The following ADGRL2 variants were observed in gnomAD, a reference collection of about 807,000 sequenced individuals.
The protein encoded by ADGRL2 is adhesion G protein-coupled receptor L2, also known as calcium-independent alpha-latrotoxin receptor 2.
ADGRL2 carries 44 observed loss-of-function variants against 157.4 expected under a neutral mutation model. The ratio of observed to expected loss-of-function variants is 0.28; its 90% confidence interval spans 0.22 to 0.36. The LOEUF (loss-of-function observed/expected upper bound fraction) is 0.36. ADGRL2 is among the 10% of genes least tolerant of loss of function. The pLI is 1.00. For missense variants in ADGRL2, 1,510 were observed against 1,768.9 expected, an observed-to-expected ratio of 0.85 and a Z score of 2.63; for synonymous variants, 585 against 624.7, an observed-to-expected ratio of 0.94 and a Z score of 0.95.
intron 2 of ADGRL2, chr1:81,557,070 A>ACAG: frequency 5.5e-6 from 1 of 183,454 alleles, no homozygotes; most frequent in Non-Finnish European, 1.2e-5. Context: ...TGTGTGGCAA[A>ACAG]CTTCACGAAG....
upstream of ADGRL2, among the ~76,000 whole-genome samples, chr1:81,800,042 C>T (rs906434282): frequency 4.6e-5 from 7 of 152,010 alleles, 1 homozygote; most frequent in Admixed American, 3.9e-4. Flanking sequence ...CATTGCCAAC[C>T]GAGAGGGGCA....
intron 1 of ADGRL2, among the ~76,000 whole-genome samples, chr1:81,705,807 G>A (rs2083714367): frequency 6.6e-6 from 1 of 152,100 alleles, no homozygotes; most frequent in South Asian, 2.1e-4. Flanking sequence ...TCAGGAGGCT[G>A]AAGCAGGAGG....
intron 1 of ADGRL2, among the ~76,000 whole-genome samples, chr1:81,430,590 A>C (rs545609204): frequency 4.9e-4 from 74 of 152,282 alleles, no homozygotes; most frequent in African/African-American, 1.8e-3. Flanking sequence ...TTGTATTCTG[A>C]GATGATGTCT....
chr1:81,816,822 A>C (rs12140678), intron 1 of ADGRL2, among the ~76,000 whole-genome samples: 11,806 of 152,074 alleles, frequency 0.078, 560 homozygotes, highest in South Asian at 0.2. Flanking sequence ...CTACAAAATA[A>C]AACTTTATTA....
chr1:81,624,164 T>G (rs1423001360), intron 3 of ADGRL2, among the ~76,000 whole-genome samples: 1 of 152,210 alleles, frequency 6.6e-6, no homozygotes, highest in East Asian at 1.9e-4. Context: ...ACTTCTGTTA[T>G]CCAGAACTGT....
chr1:81,877,707 TA>T (rs11356912), intron 2 of ADGRL2, among the ~76,000 whole-genome samples: 140,017 of 151,668 alleles, frequency 0.92, 64,706 homozygotes, highest in African/African-American at 0.97. Flanking sequence ...CTTGCTTTGT[TA>T]AAAAAAAAGC....
intron 1 of ADGRL2, among the ~76,000 whole-genome samples, chr1:81,705,444 C>CA (rs1437888344): frequency 6.6e-6 from 1 of 152,002 alleles, no homozygotes; most frequent in Non-Finnish European, 1.5e-5. Context: ...GACGGGGTTT[C>CA]ACCATGTTGG....
rs1553161769 is a variant in ADGRL2 at position 81,403,236 on chromosome 1, T to TTG, written c.-301-41799_-301-41798insGT. 2.1e-3 allele frequency among the ~76,000 whole-genome samples: 84 copies of TTG among 39,246 alleles called. 3 individuals carry two copies. The highest frequency in any genetic ancestry group is 0.029 in the Middle Eastern group (2 of 70). The allele number at this position is 39,246 out of a possible 152,430, so 25.7% of individuals were successfully genotyped here. A position where few individuals can be genotyped will look rare whatever the true frequency, so the allele number is the denominator to read the frequency against. ...ACGTAACACTTTTCCTTGTTTTTTT[T>TTG]TTGTTGTTGTTTGTTTGTTTGTTTG... On this transcript the variant is annotated intron_variant, in intron 1 of 24. Transcript: ENST00000370721.
At chr1:81,729,158 CT>C (rs1454677539) in intron 1 of ADGRL2, among the ~76,000 whole-genome samples, 1 of 150,844 alleles carries the variant, frequency 6.6e-6, no homozygotes, top group Non-Finnish European at 1.5e-5. Flanking sequence ...TTTAAATAAT[CT>C]TCCAGCCATC....
chr1:81,898,742 C>A (rs577623073), intron 2 of ADGRL2, among the ~76,000 whole-genome samples: 4 of 151,894 alleles, frequency 2.6e-5, no homozygotes, highest in African/African-American at 9.7e-5. Context: ...ACTTTTAACA[C>A]TATTTTCATC....
rs186247767 is a variant in ADGRL2, at chr1:81,560,702, G to A, written c.-247-20174G>A. 3.4e-3 allele frequency among the ~76,000 whole-genome samples: 510 copies of A among 152,220 alleles called. 15 individuals are homozygous for A. The highest frequency in any genetic ancestry group is 0.029 in the Admixed American group (437 of 15,278). ...CAGTGAGGATGATCGTGGTGAAGAAGGAAGAGAAAGAAATGGAGGAGGAGG... is the reference window on the plus strand; with the variant it reads ...CAGTGAGGATGATCGTGGTGAAGAAAGAAGAGAAAGAAATGGAGGAGGAGG... On this transcript the variant is annotated intron_variant, in intron 2 of 24. Coordinates refer to the ADGRL2 transcript ENST00000370721.
At chr1:81,764,820 A>C (rs1268249984) in intron 2 of ADGRL2, among the ~76,000 whole-genome samples, 1 of 152,104 alleles carries the variant, frequency 6.6e-6, no homozygotes, top group Non-Finnish European at 1.5e-5. Context: ...AGAATTTTAC[A>C]ATAAAATTAC....
intron 2 of ADGRL2, among the ~76,000 whole-genome samples, chr1:81,468,759 T>C (rs556725397): frequency 6.6e-6 from 1 of 152,314 alleles, no homozygotes; most frequent in Non-Finnish European, 1.5e-5. Flanking sequence ...TGTGACTAAT[T>C]TATGCCAACT....
intron 1 of ADGRL2, among the ~76,000 whole-genome samples, chr1:81,327,367 G>C (rs1660975251): frequency 6.6e-6 from 1 of 152,106 alleles, no homozygotes; most frequent in Non-Finnish European, 1.5e-5. Context: ...TGATAATAAA[G>C]GTTCACTATC....
intron 2 of ADGRL2, among the ~76,000 whole-genome samples, chr1:81,791,665 T>C (rs954004522): frequency 6.6e-6 from 1 of 151,972 alleles, no homozygotes; most frequent in Non-Finnish European, 1.5e-5. Flanking sequence ...TAAAAAAAAA[T>C]AGATACATAT....
chr1:81,758,109 TGCTGAAGATGA>T (rs773365627), intron 1 of ADGRL2, among the ~76,000 whole-genome samples: 33 of 152,332 alleles, frequency 2.2e-4, no homozygotes, highest in Non-Finnish European at 4.3e-4. Context: ...TCAGCATTCT[TGCTGAAGATGA>T]GCTTTCCCAC....
At chr1:81,710,067 T>C (rs2083872364) in intron 1 of ADGRL2, among the ~76,000 whole-genome samples, 1 of 152,154 alleles carries the variant, frequency 6.6e-6, no homozygotes, top group Non-Finnish European at 1.5e-5. Context: ...GAAACAAAGC[T>C]AGGGGGAAAT....
intron 1 of ADGRL2, among the ~76,000 whole-genome samples, chr1:81,708,028 G>A (rs945174080): frequency 1.3e-5 from 2 of 152,058 alleles, no homozygotes; most frequent in Admixed American, 6.6e-5. Context: ...AAATGCCTAC[G>A]CTTGTTCTCT....
intron 2 of ADGRL2, among the ~76,000 whole-genome samples, chr1:81,861,525 A>G (rs192749449): frequency 3.3e-5 from 5 of 152,274 alleles, no homozygotes; most frequent in African/African-American, 1.2e-4. Flanking sequence ...ACTAAGAGAA[A>G]TTTATATTTT....
Sources: gnomAD v4.1 joint callset for allele counts (sites outside exome capture counted in the v4.1 genomes callset) on GRCh38, gnomAD v4.1.1 for gene constraint, MANE v1.5 for transcripts, NCBI Gene and HGNC (gene_info 2026-07-23, HGNC 2026-07-21) for gene names.